The following MUC4 variants were observed in gnomAD, a reference collection of about 807,000 sequenced individuals.
MUC4 encodes mucin-4.
MUC4 carries 202 observed loss-of-function variants against 257.9 expected under a neutral mutation model. That is an observed-to-expected ratio of 0.78 (90% CI 0.70 to 0.88). MUC4 has a LOEUF of 0.88. MUC4 is among the 40% of genes least tolerant of loss of function. MUC4 has a pLI of 0.00. For missense variants in MUC4, 5,976 were observed against 6,513.7 expected (o/e 0.92, Z 2.84); for synonymous variants, 2,351 against 2,757.1 (o/e 0.85, Z 4.62).
chr3:195,804,528 T>A lies in MUC4; in HGVS notation c.82+7208A>T, dbSNP rs73085340. ...TGTGGGTTGAGGCTTATTCCTAGCA[T>A]CTGGTCTGTTTGTCTTGGGTTTTTC... On this transcript the variant is annotated intron_variant, in intron 1 of 24. Coordinates refer to ENST00000463781, the MANE Select transcript of MUC4 (RefSeq NM_018406.7). 8.2e-3 allele frequency among the ~76,000 whole-genome samples: 1,254 copies of A among 152,370 alleles called. 8 individuals carry two copies. The highest frequency in any genetic ancestry group is 0.041 in the Middle Eastern group (12 of 294).
Position 195,757,678 on chromosome 3 carries a change from C to G in MUC4, c.14987-350G>C, listed in dbSNP as rs972070956. On this transcript the variant is annotated intron_variant, in intron 17 of 24. Coordinates refer to ENST00000463781, the MANE Select transcript of MUC4 (RefSeq NM_018406.7). The surrounding 1 kb of genome is among the most constrained non-coding windows in gnomAD (Gnocchi z 4.8). ...AGGCCAGGATCCTCCAGACACCTCC[C>G]CAGGCTGCGCTGCCGGCCAAACTGG... 6.6e-6 allele frequency among the ~76,000 whole-genome samples: 1 copy of G among 152,134 alleles called. No homozygotes were observed. Among genetic ancestry groups the G allele is most frequent in the African/African-American group, 2.4e-5 (1 of 41,426 alleles).
chr3:195,759,859 C>T (rs1012602285), intron 16 of MUC4, among the ~76,000 whole-genome samples: 2 of 152,020 alleles, frequency 1.3e-5, no homozygotes, highest in Non-Finnish European at 2.9e-5. Context: ...GCAGAGGTTG[C>T]GACGAGCCGA....
At position 195,788,723 on chromosome 3, in the gene MUC4, C is replaced by T. The variant is rs13095016; in HGVS notation, c.2857G>A (p.Glu953Lys). The change falls in exon 2 of 25, where the codon GAG becomes AAG. Residue 953 changes from glutamate to lysine, a missense_variant. Glu to Lys is a moderately conservative substitution (Grantham distance 56, BLOSUM62 1). Coordinates refer to ENST00000463781, the MANE Select transcript of MUC4 (RefSeq NM_018406.7). The part of the protein sequence containing the change: ...TSTGLTSPQT[E>K]THTLSPSGSG... ...CCTGAAGGTGACAGAGTGTGGGTCT[C>T]GGTTTGTGGAGATGTAAGCCCAGTG... is the stretch of plus-strand genomic sequence containing the variant. 1 of 1,610,650 alleles carries T rather than the reference C, an allele frequency of 6.2e-7. No homozygotes were observed. The highest frequency in any genetic ancestry group is 1.7e-5 in the Admixed American group (1 of 59,810).
At position 195,784,177 on chromosome 3, in the gene MUC4, G is replaced by C. The variant is rs1157248689; in HGVS notation, c.7403C>G (p.Thr2468Ser). 8 of 1,506,362 alleles carry C rather than the reference G, an allele frequency of 5.3e-6. No individual in the cohort carries two copies. Among genetic ancestry groups the C allele is most frequent in the African/African-American group, 1.6e-5 (1 of 62,512 alleles). The allele number at this position is 1,506,362 out of a possible 1,614,324, so 93.3% of individuals were successfully genotyped here. The change falls in exon 2 of 25, where the codon ACC (threonine) becomes AGC (serine). Residue 2468 changes from threonine (T) to serine (S), a missense_variant. By Grantham distance (58) the Thr-to-Ser change is moderately conservative (BLOSUM62 1). This residue lies in a region of MUC4 where 57 missense variants were observed against 116.5 expected (regional missense o/e 0.49). Transcript: ENST00000463781. The stretch of plus-strand genomic sequence containing the variant: ...ACCTGTGGATACTGAGGAAGTGTCG[G>C]TGCCAGGAAGAGGGGTGGTGTCACC... ...STGDTTPLPG[T>S]DTSSVSTGHT...
chr3:195,756,824 A>T (rs1162648124), intron 18 of MUC4, among the ~76,000 whole-genome samples: 1 of 151,854 alleles, frequency 6.6e-6, no homozygotes, highest in East Asian at 1.9e-4. Context: ...CACCACGCCC[A>T]GCTAATTTTT....
rs1269582235 is a variant in MUC4 at position 195,752,463 on chromosome 3, C to T, written c.15509-17G>A. 1.2e-6 allele frequency: 2 copies of T among 1,606,008 alleles called. No homozygotes were observed. Among genetic ancestry groups the T allele is most frequent in the Non-Finnish European group, 1.7e-6 (2 of 1,172,588 alleles). On this transcript the variant is annotated splice_polypyrimidine_tract_variant and intron_variant, in intron 20 of 24. Transcript: ENST00000463781. ...AGGGAAGTTCTGGAGATGGGAGAAG[C>T]AAATGTATCATCACCCCACGGTTTA...
In MUC4 at chr3:195,783,001, C is replaced by T. The variant is rs1403801959; in HGVS notation, c.8579G>A (p.Gly2860Asp). The T allele has an allele frequency of 6.7e-7, 1 of 1,501,172 alleles. No homozygotes were observed. The highest frequency in any genetic ancestry group is 8.9e-7 in the Non-Finnish European group (1 of 1,117,536). 93.0% of individuals were successfully genotyped at this position (1,501,172 alleles called of 1,614,324 possible). A position where few individuals can be genotyped will look rare whatever the true frequency, so the allele number is the denominator to read the frequency against. The change falls in exon 2 of 25, where the codon GGT becomes GAT. Residue 2860 changes from glycine to aspartate, a missense_variant. Coordinates refer to ENST00000463781, the MANE Select transcript of MUC4 (RefSeq NM_018406.7). ...PVTDASSVSTGHATSLPVTDA... is the reference protein window; with the variant it reads ...PVTDASSVSTDHATSLPVTDA... The stretch of plus-strand genomic sequence containing the variant: ...GGTGACAGGAAGAGAGGTGGCGTGA[C>T]CTGTGGACACTGAGGAAGCGTCGGT...
Position 195,791,234 on chromosome 3 carries a change from G to T in MUC4, c.346C>A (p.Pro116Thr). 6.2e-7 allele frequency: 1 copy of T among 1,612,858 alleles called. No homozygotes were observed. Among genetic ancestry groups the T allele is most frequent in the Admixed American group, 1.7e-5 (1 of 59,868 alleles). Residue 116 changes from proline (P) to threonine (T), a missense_variant, in exon 2 of 25, where the codon CCA becomes ACA. Pro to Thr is a conservative substitution (Grantham distance 38). Coordinates refer to ENST00000463781, the MANE Select transcript of MUC4 (RefSeq NM_018406.7). ...GGAAATGATGTGGTCATTTCATCTG[G>T]AGGAGCTGTCTCCATCACATTGTGT... ...SVHNVMETAP[P>T]DEMTTSFPSS...
intron 23 of MUC4, among the ~76,000 whole-genome samples, 168 bp from the exon 24 acceptor site, chr3:195,749,232 G>A (rs1452883192): frequency 2.6e-5 from 4 of 152,256 alleles, no homozygotes; most frequent in Admixed American, 1.3e-4. Context: ...TAATAGTAAC[G>A]TTTCAGAAGT....
chr3:195,810,973 C>G lies in MUC4; in HGVS notation c.82+763G>C, dbSNP rs1008337537. Among the ~76,000 whole-genome samples the G allele has an allele frequency of 1.2e-4, 18 of 151,944 alleles. No homozygotes were observed. The highest frequency in any genetic ancestry group is 4.4e-4 in the African/African-American group (18 of 41,348). On this transcript the variant is annotated intron_variant, in intron 1 of 24. Transcript: ENST00000463781. The surrounding 1 kb of genome is among the most constrained non-coding windows in gnomAD (Gnocchi z 4.2). Reference sequence around the variant, plus strand: ...TTCTCTCTGCGAGTAAGCCTGGGCTCTCACCATGGATCCTTCCAGACATCG... The same window carrying G: ...TTCTCTCTGCGAGTAAGCCTGGGCTGTCACCATGGATCCTTCCAGACATCG...
intron 4 of MUC4, 76 bp from the exon 5 acceptor site, chr3:195,771,892 C>T: frequency 6.6e-7 from 1 of 1,504,316 alleles, no homozygotes; most frequent in Non-Finnish European, 9.1e-7. Flanking sequence ...TCCAGCTCCT[C>T]AAAAGCGTGA....
rs751284643 is a variant in MUC4 at position 195,789,111 on chromosome 3, G to A, written c.2469C>T (p.Thr823=). Residue 823 remains threonine, a synonymous_variant, in exon 2 of 25, where the codon ACC becomes ACT. Coordinates refer to ENST00000463781, the MANE Select transcript of MUC4 (RefSeq NM_018406.7). The part of the protein sequence containing the change: ...TTPSGSEGIS[T]SGETTRFSSN... ...ATGAAAACCTTGTCGTCTCTCCTGA[G>A]GTGGATATTCCTTCGCTTCCTGAAG... The A allele has an allele frequency of 6.9e-5, 111 of 1,613,538 alleles. No individual in the cohort carries two copies. Among genetic ancestry groups the A allele is most frequent in the Non-Finnish European group, 9.3e-5 (110 of 1,179,782 alleles).
chr3:195,772,111 C>G (rs1018508889), intron 4 of MUC4, among the ~76,000 whole-genome samples: 3 of 152,168 alleles, frequency 2.0e-5, no homozygotes, highest in African/African-American at 7.2e-5. Context: ...CTTGGCCAGT[C>G]CCCTGGGCCC....
chr3:195,776,876 A>G (rs1456943267), intron 3 of MUC4, among the ~76,000 whole-genome samples: 4 of 16,552 alleles, frequency 2.4e-4, no homozygotes, highest in Non-Finnish European at 4.7e-4. Flanking sequence ...CATACCTTCC[A>G]CACCCATACC....
At position 195,810,587 on chromosome 3, in the gene MUC4, C is replaced by G. The variant is rs1184645968; in HGVS notation, c.82+1149G>C. On this transcript the variant is annotated intron_variant, in intron 1 of 24. Transcript: ENST00000463781. The surrounding 1 kb of genome is among the most constrained non-coding windows in gnomAD (Gnocchi z 4.2). ...CGGGGCTACGAGCCCCAGGCAAGGC[C>G]GTGACCCAAATGGAGGCTTTTAAAC... 2.6e-5 allele frequency among the ~76,000 whole-genome samples: 4 copies of G among 152,160 alleles called. No homozygotes were observed. Among genetic ancestry groups the G allele is most frequent in the African/African-American group, 7.2e-5 (3 of 41,440 alleles).
chr3:195,775,407 C>CAGTCAT (rs1724207967), intron 3 of MUC4, among the ~76,000 whole-genome samples: 1 of 117,812 alleles, frequency 8.5e-6, no homozygotes, highest in Non-Finnish European at 2.0e-5. Flanking sequence ...ATACCTTCCA[C>CAGTCAT]ACCCATACCT....
In MUC4 at chr3:195,790,064, G is replaced by T. The variant is rs767122726; in HGVS notation, c.1516C>A (p.Pro506Thr). ...GTGGCAGCACCTGTTGATGTTGAGG[G>T]CAGTTCTGTTTGTGACCAAGTTGTG... is the stretch of plus-strand genomic sequence containing the variant. ...GHTTWSQTEL[P>T]STSTGAATRL... Residue 506 changes from proline to threonine, a missense_variant, in exon 2 of 25, where the codon CCC becomes ACC. Physicochemically the swap from Pro to Thr is conservative, Grantham distance 38. Transcript: ENST00000463781. 6.2e-7 allele frequency: 1 copy of T among 1,614,032 alleles called. No individual in the cohort carries two copies. The highest frequency in any genetic ancestry group is 2.2e-5 in the East Asian group (1 of 44,894).
chr3:195,784,889 A>C lies in MUC4; in HGVS notation c.6691T>G (p.Ser2231Ala). The C allele has an allele frequency of 7.0e-7, 1 of 1,438,514 alleles. No individual in the cohort carries two copies. The highest frequency in any genetic ancestry group is 9.4e-7 in the Non-Finnish European group (1 of 1,059,694). 89.1% of individuals were successfully genotyped at this position (1,438,514 alleles called of 1,614,324 possible). A position where few individuals can be genotyped will look rare whatever the true frequency, so the allele number is the denominator to read the frequency against. The change falls in exon 2 of 25, where the codon TCC becomes GCC. Residue 2231 changes from serine to alanine, a missense_variant. Coordinates refer to ENST00000463781, the MANE Select transcript of MUC4 (RefSeq NM_018406.7). ...GTGGCCTGTCCTGTGGATGCTGAGGAAGTGTCGGTGACAAGAAGAGGGATG... is the reference window on the plus strand; with the variant it reads ...GTGGCCTGTCCTGTGGATGCTGAGGCAGTGTCGGTGACAAGAAGAGGGATG... ...HAIPLLVTDT[S>A]SASTGQATPL...
At chr3:195,797,802 A>C (rs1184350163) in intron 1 of MUC4, among the ~76,000 whole-genome samples, 1 of 152,168 alleles carries the variant, frequency 6.6e-6, no homozygotes, top group Non-Finnish European at 1.5e-5. Context: ...CCATAATCAA[A>C]ATTTTAAAAA....
Sources: allele counts gnomAD v4.1 joint callset (sites outside exome capture counted in the v4.1 genomes callset), GRCh38; gene constraint gnomAD v4.1.1; regional missense constraint gnomAD v4.1.1; non-coding constraint Gnocchi (gnomAD v3.1); transcripts MANE v1.5; gene names NCBI Gene and HGNC (gene_info 2026-07-23, HGNC 2026-07-21).